CHD3: variants seen among roughly 807,000 people sequenced by gnomAD.
The protein encoded by CHD3 is chromodomain helicase DNA binding protein 3.
CHD3 carries 52 observed loss-of-function variants against 248.9 expected under a neutral mutation model. That is an observed-to-expected ratio of 0.21 (90% CI 0.17 to 0.26). The LOEUF is 0.26. CHD3 is among the 10% of genes least tolerant of loss of function. CHD3 has a pLI of 1.00. For missense variants in CHD3, 1,482 were observed against 2,605.8 expected (o/e 0.57, Z 9.39); for synonymous variants, 985 against 985.2 (o/e 1.00, Z 0.00).
chr17:7,896,378 C>T (rs1969653486), intron 10 of CHD3, among the ~76,000 whole-genome samples: 1 of 150,658 alleles, frequency 6.6e-6, no homozygotes, highest in Non-Finnish European at 1.5e-5. Context: ...ACTCATTTAT[C>T]TCTAATCCAT....
rs201488618 is a variant in CHD3 at position 7,907,343 on chromosome 17, C to G, written c.4789-10C>G. 820 of 1,607,810 alleles carry G rather than the reference C, an allele frequency of 5.1e-4. 1 individual carries two copies. The highest frequency in any genetic ancestry group is 1.5e-4 in the Non-Finnish European group (177 of 1,176,702). ...CTCTGGCTCATCCTGACCCCATTGT[C>G]CTCTTCCAGGCTGATGCCCCCAGCC... On this transcript the variant is annotated splice_polypyrimidine_tract_variant and intron_variant, in intron 31 of 39. Coordinates refer to ENST00000330494, the MANE Select transcript of CHD3 (RefSeq NM_001005273.3). The surrounding 1 kb of genome is among the most constrained non-coding windows in gnomAD (Gnocchi z 4.3).
At position 7,888,854 on chromosome 17, in the gene CHD3, T is replaced by G; in HGVS notation, c.-147T>G. ...GGGTCAGGATATCTGGAACAAAATA[T>G]GGAGGTGAAGGGTGAGATCGGGAAA... is the stretch of plus-strand genomic sequence containing the variant. On this transcript the variant is annotated 5_prime_UTR_variant, in exon 1 of 40. The change abolishes an upstream ATG in the 5' untranslated region. Coordinates refer to ENST00000330494, the MANE Select transcript of CHD3 (RefSeq NM_001005273.3). 1 of 1,464,532 alleles carries G rather than the reference T, an allele frequency of 6.8e-7. No individual in the cohort carries two copies. The highest frequency in any genetic ancestry group is 1.4e-5 in the South Asian group (1 of 69,932). 90.7% of individuals were successfully genotyped at this position (1,464,532 alleles called of 1,614,324 possible).
Position 7,899,172 on chromosome 17 carries a change from C to T in CHD3, c.2313C>T (p.Thr771=), listed in dbSNP as rs1442254507. ...DEMGLGKTIQ[T]IVFLYSLYKE... ...TGGGGCTAGGCAAGACCATACAAACCATCGTCTTCCTCTACTCACTCTACA... is the reference window on the plus strand; with the variant it reads ...TGGGGCTAGGCAAGACCATACAAACTATCGTCTTCCTCTACTCACTCTACA... Residue 771 remains threonine (T), a synonymous_variant, in exon 14 of 40, where the codon ACC becomes ACT. Coordinates refer to ENST00000330494, the MANE Select transcript of CHD3 (RefSeq NM_001005273.3). The surrounding 1 kb of genome is among the most constrained non-coding windows in gnomAD (Gnocchi z 6.8). 6.2e-7 allele frequency: 1 copy of T among 1,614,030 alleles called. No homozygotes were observed.
At chr17:7,894,863 G>A in intron 8 of CHD3, 54 bp from the exon 9 acceptor site, 2 of 1,598,150 alleles carry the variant, frequency 1.3e-6, no homozygotes, top group African/African-American at 1.3e-5. Flanking sequence ...GTATCTTCCA[G>A]TTTCATTCCT....
upstream of CHD3, among the ~76,000 whole-genome samples, chr17:7,888,139 A>G (rs1968265525): frequency 6.6e-6 from 1 of 152,066 alleles, no homozygotes; most frequent in African/African-American, 2.4e-5. Context: ...TTCCTTGCTG[A>G]CTTCCTATTA....
Position 7,900,394 on chromosome 17 carries a change from C to T in CHD3, c.2787C>T (p.Leu929=). The change falls in exon 17 of 40, where the codon CTC becomes CTT. Residue 929 remains leucine, a synonymous_variant. Coordinates refer to ENST00000330494, the MANE Select transcript of CHD3 (RefSeq NM_001005273.3). This position sits in a 1 kb window ranked among gnomAD's most constrained non-coding sequence, Gnocchi z 6.5. ...LEELFHLLNF[L]TPERFNNLEG... is the part of the protein sequence containing the mutation. ...AGCTCTTCCATCTCCTGAACTTCCT[C>T]ACCCCAGAGAGATTTAAGTAAGTGG... 6.2e-7 allele frequency: 1 copy of T among 1,614,148 alleles called. No individual in the cohort carries two copies. The highest frequency in any genetic ancestry group is 8.5e-7 in the Non-Finnish European group (1 of 1,180,028).
chr17:7,912,113 C>A lies in CHD3; in HGVS notation c.*528C>A, dbSNP rs563753896. The A allele has an allele frequency of 5.0e-5, 12 of 241,724 alleles. No homozygotes were observed. The East Asian group carries it at 1.3e-3, about 26-fold the overall frequency. The allele number at this position is 241,724 out of a possible 1,614,324, so 15.0% of individuals were successfully genotyped here. A position where few individuals can be genotyped will look rare whatever the true frequency, so the allele number is the denominator to read the frequency against. ...GGTGGCTGCATGTTACCGTCCCCTA[C>A]CTCTCCCCACGTGGAGGGTGGAGCA... On this transcript the variant is annotated 3_prime_UTR_variant, in exon 40 of 40. Transcript: ENST00000330494.
intron 20 of CHD3, 49 bp from the exon 21 acceptor site, chr17:7,902,561 C>T (rs751100930): frequency 1.6e-6 from 2 of 1,233,502 alleles, no homozygotes; most frequent in East Asian, 2.3e-5. Flanking sequence ...AATAAGCAAG[C>T]ATCCCACCAC....
chr17:7,908,754 C>T lies in CHD3; in HGVS notation c.5319C>T (p.Asn1773=), dbSNP rs765297108. ...ATGATGCTCAATTTGCCATTATCAA[C>T]GAGCCATTTAAAACTGAAGCCAATA... ...IQNDAQFAII[N]EPFKTEANKG... The change falls in exon 36 of 40, where the codon AAC becomes AAT. Residue 1773 remains asparagine, a synonymous_variant. Transcript: ENST00000330494. The surrounding 1 kb of genome is among the most constrained non-coding windows in gnomAD (Gnocchi z 5.8). The T allele has an allele frequency of 2.4e-5, 39 of 1,613,846 alleles. No homozygotes were observed. Among genetic ancestry groups the T allele is most frequent in the African/African-American group, 4.0e-5 (3 of 74,812 alleles).
chr17:7,910,253 T>A lies in CHD3; in HGVS notation c.5591-175T>A. 1.3e-6 allele frequency: 1 copy of A among 758,046 alleles called. No homozygotes were observed. The allele number at this position is 758,046 out of a possible 1,614,324, so 47.0% of individuals were successfully genotyped here. A position where few individuals can be genotyped will look rare whatever the true frequency, so the allele number is the denominator to read the frequency against. ...TTTTTCTTTTCCCCTGAGTTGCTTC[T>A]GTTTTCCATCTACTTCTTTTACTTT... On this transcript the variant is annotated intron_variant, in intron 37 of 39. Coordinates refer to ENST00000330494, the MANE Select transcript of CHD3 (RefSeq NM_001005273.3). This position sits in a 1 kb window ranked among gnomAD's most constrained non-coding sequence, Gnocchi z 4.7.
In CHD3 at chr17:7,911,455, C is replaced by G. The variant is rs1191824643; in HGVS notation, c.5882-9C>G. On this transcript the variant is annotated splice_polypyrimidine_tract_variant and intron_variant, in intron 39 of 39. Coordinates refer to ENST00000330494, the MANE Select transcript of CHD3 (RefSeq NM_001005273.3). This position sits in a 1 kb window ranked among gnomAD's most constrained non-coding sequence, Gnocchi z 5.4. ...GAGATTGATCTTTCCTTACCCCTTTCCCAAACAGCCGCCACCAACGGCCCT... is the reference window on the plus strand; with the variant it reads ...GAGATTGATCTTTCCTTACCCCTTTGCCAAACAGCCGCCACCAACGGCCCT... 3 of 1,614,004 alleles carry G rather than the reference C, an allele frequency of 1.9e-6. No individual in the cohort carries two copies. The highest frequency in any genetic ancestry group is 1.3e-5 in the African/African-American group (1 of 74,918).
chr17:7,885,067 G>GCCGCCC (rs1346662568), upstream of CHD3: 13 of 981,556 alleles, frequency 1.3e-5, no homozygotes, highest in African/African-American at 3.6e-5. Context: ...CCCCGCCGCC[G>GCCGCCC]CCGCCCCCGC....
chr17:7,889,611 T>C lies in CHD3; in HGVS notation c.101-53T>C, dbSNP rs1367614607. ...TGGGGAAGGGGCAAGTTGAGGGGCC[T>C]CAGAGGCTGGAAACCTAGAGGCTTA... On this transcript the variant is annotated intron_variant, in intron 1 of 39. Transcript: ENST00000330494. The surrounding 1 kb of genome is among the most constrained non-coding windows in gnomAD (Gnocchi z 4.5). The C allele has an allele frequency of 1.3e-6, 2 of 1,527,250 alleles. No homozygotes were observed. The highest frequency in any genetic ancestry group is 1.8e-6 in the Non-Finnish European group (2 of 1,120,266). 94.6% of individuals were successfully genotyped at this position (1,527,250 alleles called of 1,614,324 possible).
chr17:7,903,274 C>A lies in CHD3; in HGVS notation c.3498C>A (p.Ala1166=), dbSNP rs372355352. The A allele has an allele frequency of 4.3e-6, 7 of 1,613,912 alleles. No individual in the cohort carries two copies. The South Asian group carries it at 6.6e-5, about 15-fold the overall frequency. The change falls in exon 23 of 40, where the codon GCC becomes GCA. Residue 1166 remains alanine, a splice_region_variant and synonymous_variant. Coordinates refer to ENST00000330494, the MANE Select transcript of CHD3 (RefSeq NM_001005273.3). This position sits in a 1 kb window ranked among gnomAD's most constrained non-coding sequence, Gnocchi z 6.8. ...GCCACTTTCTCTTGCCCCTGCAGGC[C>A]TTTAGCCGGGCTCATCGGATTGGCC... is the stretch of plus-strand genomic sequence containing the variant. ...SDWNPHNDIQ[A]FSRAHRIGQA... is the part of the protein sequence containing the mutation.
At chr17:7,896,023 C>A (rs182677207) in intron 10 of CHD3, among the ~76,000 whole-genome samples, 26 of 151,742 alleles carry the variant, frequency 1.7e-4, no homozygotes, top group Non-Finnish European at 2.6e-4. Context: ...GTCAGGAGAT[C>A]GAGACTATCC....
rs1971174791 is a variant in CHD3 at position 7,907,790 on chromosome 17, G to A, written c.5026+88G>A. On this transcript the variant is annotated intron_variant, in intron 33 of 39. Coordinates refer to ENST00000330494, the MANE Select transcript of CHD3 (RefSeq NM_001005273.3). This position sits in a 1 kb window ranked among gnomAD's most constrained non-coding sequence, Gnocchi z 4.3. The stretch of plus-strand genomic sequence containing the variant: ...GGAACCGAATGCTTGGGTCCTGGGC[G>A]GGTAGCTGTTTGAAAGGCCAGTACA... 4.6e-6 allele frequency: 7 copies of A among 1,505,656 alleles called. No individual in the cohort carries two copies. The highest frequency in any genetic ancestry group is 2.4e-5 in the East Asian group (1 of 41,318). The allele number at this position is 1,505,656 out of a possible 1,614,324, so 93.3% of individuals were successfully genotyped here. A position where few individuals can be genotyped will look rare whatever the true frequency, so the allele number is the denominator to read the frequency against.
rs924489873 is a variant in CHD3 at position 7,895,929 on chromosome 17, T to TA, written c.1707+396dup. On this transcript the variant is annotated intron_variant, in intron 10 of 39. Coordinates refer to ENST00000330494, the MANE Select transcript of CHD3 (RefSeq NM_001005273.3). The surrounding 1 kb of genome is among the most constrained non-coding windows in gnomAD (Gnocchi z 4.9). ...AACATAGTGAAACCCCATCTCTGTT[T>TA]AAAAAAAAATTCTCGGCTGGGTGTG... Among the ~76,000 whole-genome samples, 7 of 151,324 alleles carry TA rather than the reference T, an allele frequency of 4.6e-5. No homozygotes were observed. The highest frequency in any genetic ancestry group is 1.5e-4 in the African/African-American group (6 of 41,206).
In CHD3 at chr17:7,889,832, G is replaced by C. The variant is rs764478219; in HGVS notation, c.213+56G>C. 118 of 1,497,492 alleles carry C rather than the reference G, an allele frequency of 7.9e-5. No homozygotes were observed. Among genetic ancestry groups the C allele is most frequent in the Non-Finnish European group, 1.0e-4 (114 of 1,092,538 alleles). 92.8% of individuals were successfully genotyped at this position (1,497,492 alleles called of 1,614,324 possible). On this transcript the variant is annotated intron_variant, in intron 2 of 39. Transcript: ENST00000330494. The surrounding 1 kb of genome is among the most constrained non-coding windows in gnomAD (Gnocchi z 4.5). The stretch of plus-strand genomic sequence containing the variant: ...AAGGCTCAAGAGACCCATTCTCAGA[G>C]ACCTACATTTTCTCTGGTCCTGATT...
chr17:7,908,164 T>A lies in CHD3; in HGVS notation c.5152+145T>A. Reference sequence around the variant, plus strand: ...GTTGCATGCTGACTCCGATCCTTGCTCTAAATCTTTCTTAAGTATCCCTCT... The same window carrying A: ...GTTGCATGCTGACTCCGATCCTTGCACTAAATCTTTCTTAAGTATCCCTCT... On this transcript the variant is annotated intron_variant, in intron 34 of 39. Transcript: ENST00000330494. The surrounding 1 kb of genome is among the most constrained non-coding windows in gnomAD (Gnocchi z 5.8). 1.9e-6 allele frequency: 2 copies of A among 1,076,716 alleles called. No individual in the cohort carries two copies. Among genetic ancestry groups the A allele is most frequent in the African/African-American group, 3.2e-5 (2 of 63,012 alleles). The allele number at this position is 1,076,716 out of a possible 1,614,324, so 66.7% of individuals were successfully genotyped here.
Sources: gnomAD v4.1 joint callset for allele counts (sites outside exome capture counted in the v4.1 genomes callset) on GRCh38, gnomAD v4.1.1 for gene constraint, Gnocchi (gnomAD v3.1) non-coding constraint, MANE v1.5 for transcripts, NCBI Gene and HGNC (gene_info 2026-07-23, HGNC 2026-07-21) for gene names.